The following ADGRB3 variants were observed in gnomAD, a reference collection of about 807,000 sequenced individuals.
ADGRB3 encodes brain-specific angiogenesis inhibitor 3.
In ADGRB3, 37 loss-of-function variants were observed where a neutral mutation model predicts 193.4. That is an observed-to-expected ratio of 0.19 (90% CI 0.15 to 0.25). The LOEUF (loss-of-function observed/expected upper bound fraction) is 0.25, where lower values mean the gene tolerates loss of function less well. Among genes scored for constraint, ADGRB3 ranks in the 10% least tolerant of loss-of-function variants. The pLI is 1.00. For synonymous variants in ADGRB3, 690 were observed against 644.2 expected, an observed-to-expected ratio of 1.07 and a Z score of -1.08; for missense variants, 1,637 against 1,852.9, an observed-to-expected ratio of 0.88 and a Z score of 2.14.
chr6:69,251,026 A>G (rs1766606787), intron 20 of ADGRB3, among the ~76,000 whole-genome samples: 1 of 152,138 alleles, frequency 6.6e-6, no homozygotes, highest in Non-Finnish European at 1.5e-5. Context: ...CACACTGGCC[A>G]CCCATTAGAA....
At chr6:69,388,372 C>T (rs76229414) in intron 31 of ADGRB3, among the ~76,000 whole-genome samples, 3,855 of 152,130 alleles carry the variant, frequency 0.025, 77 homozygotes, top group Middle Eastern at 0.075. Flanking sequence ...TTAGTGGTGA[C>T]TTAACTCTCC....
At chr6:69,116,738 G>A (rs371535579) in intron 17 of ADGRB3, among the ~76,000 whole-genome samples, 7 of 152,248 alleles carry the variant, frequency 4.6e-5, no homozygotes, top group Middle Eastern at 3.4e-3. Context: ...TATGATTTTC[G>A]GAATAAAACT....
At chr6:69,047,473 ATAT>A (rs1222802849) in intron 13 of ADGRB3, among the ~76,000 whole-genome samples, 3 of 151,032 alleles carry the variant, frequency 2.0e-5, no homozygotes, top group Non-Finnish European at 4.4e-5. Flanking sequence ...ATGTATTATA[ATAT>A]TTATTGGTAT....
Position 69,229,527 on chromosome 6 carries a change from G to A in ADGRB3, c.2481-3763G>A, listed in dbSNP as rs201162885. Among the ~76,000 whole-genome samples, 5 of 152,040 alleles carry A rather than the reference G, an allele frequency of 3.3e-5. No individual in the cohort carries two copies. In the East Asian group the frequency reaches 9.6e-4, roughly 29 times the overall value. ...CAAGAGTTAATAAAATTCCTAAAGT[G>A]TATAACTTATTCATAATAAATAATT... On this transcript the variant is annotated intron_variant, in intron 17 of 31. Coordinates refer to ENST00000370598, the MANE Select transcript of ADGRB3 (RefSeq NM_001704.3).
At chr6:68,700,022 CAT>C (rs1226535261) in intron 3 of ADGRB3, among the ~76,000 whole-genome samples, 1 of 152,024 alleles carries the variant, frequency 6.6e-6, no homozygotes, top group African/African-American at 2.4e-5. Flanking sequence ...ATCTGTAAAA[CAT>C]ATAAATGCAC....
intron 20 of ADGRB3, among the ~76,000 whole-genome samples, chr6:69,261,931 T>G (rs1766938681): frequency 6.6e-6 from 1 of 152,070 alleles, no homozygotes. Context: ...TAGGTCTAAT[T>G]TATGATTAGA....
chr6:69,327,859 C>G lies in ADGRB3; in HGVS notation c.3005C>G (p.Thr1002Ser). Residue 1002 changes from threonine (T) to serine (S), a missense_variant, in exon 22 of 32, where the codon ACC (threonine) becomes AGC (serine). Thr to Ser is a moderately conservative substitution (Grantham distance 58). Transcript: ENST00000370598. The part of the protein sequence containing the change: ...ALVVATSVGF[T>S]RTKGYGTDHY... ...GTAGTGGCCACATCAGTAGGCTTCACCAGAACAAAAGGATATGGCACTGAT... is the reference window on the plus strand; with the variant it reads ...GTAGTGGCCACATCAGTAGGCTTCAGCAGAACAAAAGGATATGGCACTGAT... 6.2e-7 allele frequency: 1 copy of G among 1,610,118 alleles called. No individual in the cohort carries two copies.
intron 20 of ADGRB3, 76 bp downstream of exon 20, chr6:69,239,302 A>AT: frequency 9.8e-7 from 1 of 1,019,008 alleles, no homozygotes; most frequent in Non-Finnish European, 1.4e-6. Flanking sequence ...TAATCTAAAC[A>AT]TTCATTCTAA....
chr6:69,259,243 G>C (rs1274977274), intron 20 of ADGRB3, among the ~76,000 whole-genome samples: 1 of 152,174 alleles, frequency 6.6e-6, no homozygotes, highest in Non-Finnish European at 1.5e-5. Flanking sequence ...TTCAGCAAAA[G>C]CTGGGCCTAC....
intron 28 of ADGRB3, among the ~76,000 whole-genome samples, chr6:69,358,650 A>C (rs1021803890): frequency 6.6e-6 from 1 of 151,878 alleles, no homozygotes; most frequent in Admixed American, 6.6e-5. Flanking sequence ...GGTGAAATTC[A>C]CTTCCCTAAA....
At chr6:69,259,470 C>A (rs867713464) in intron 20 of ADGRB3, among the ~76,000 whole-genome samples, 1 of 151,922 alleles carries the variant, frequency 6.6e-6, no homozygotes, top group South Asian at 2.1e-4. Context: ...CCAAGGTGGG[C>A]GGATCACGAG....
At chr6:69,198,291 T>C (rs1238776481) in intron 17 of ADGRB3, among the ~76,000 whole-genome samples, 1 of 152,012 alleles carries the variant, frequency 6.6e-6, no homozygotes, top group Non-Finnish European at 1.5e-5. Context: ...GCACCTGAAA[T>C]GAGCCAGGTG....
intron 13 of ADGRB3, among the ~76,000 whole-genome samples, chr6:69,020,433 CTT>C (rs1395621907): frequency 2.0e-5 from 3 of 151,984 alleles, no homozygotes; most frequent in Middle Eastern, 3.4e-3. Context: ...TCATCTTTAC[CTT>C]TCTTTGACTC....
chr6:68,886,566 C>G (rs571522962), intron 3 of ADGRB3, among the ~76,000 whole-genome samples: 4 of 152,184 alleles, frequency 2.6e-5, no homozygotes, highest in Admixed American at 2.6e-4. Flanking sequence ...TACATAACCT[C>G]CAACCAGAAT....
At chr6:68,648,449 A>G (rs1424775851) in intron 3 of ADGRB3, among the ~76,000 whole-genome samples, 2 of 146,784 alleles carry the variant, frequency 1.4e-5, no homozygotes, top group East Asian at 3.9e-4. Flanking sequence ...AAACAAGTTT[A>G]TTTGGGGAGT....
At chr6:68,792,154 C>T (rs370376283) in intron 3 of ADGRB3, among the ~76,000 whole-genome samples, 56 of 152,288 alleles carry the variant, frequency 3.7e-4, no homozygotes, top group Admixed American at 1.2e-3. Context: ...GATTGTTTTA[C>T]TCACAAATTT....
chr6:68,669,885 C>A (rs1018578124), intron 3 of ADGRB3, among the ~76,000 whole-genome samples: 5 of 151,912 alleles, frequency 3.3e-5, no homozygotes, highest in Non-Finnish European at 7.4e-5. Flanking sequence ...ACATTCCCAC[C>A]CACAGTGTAT....
At chr6:69,134,678 C>CATAT (rs111287149) in intron 17 of ADGRB3, among the ~76,000 whole-genome samples, 11 of 150,062 alleles carry the variant, frequency 7.3e-5, no homozygotes, top group South Asian at 2.1e-4. Flanking sequence ...GAAGCGGAAA[C>CATAT]ATATATATAT....
intron 3 of ADGRB3, among the ~76,000 whole-genome samples, chr6:68,848,554 T>C (rs1768334605): frequency 6.6e-6 from 1 of 152,088 alleles, no homozygotes; most frequent in Non-Finnish European, 1.5e-5. Flanking sequence ...GTGTTCTATT[T>C]AGTTTTTTAA....
Sources: gnomAD v4.1 joint callset for allele counts (sites outside exome capture counted in the v4.1 genomes callset) on GRCh38, gnomAD v4.1.1 for gene constraint, MANE v1.5 for transcripts, NCBI Gene and HGNC (gene_info 2026-07-23, HGNC 2026-07-21) for gene names.